ITGAL: variants seen among roughly 807,000 people sequenced by gnomAD.
ITGAL encodes the protein integrin subunit alpha L.
Under a neutral mutation model 138.4 loss-of-function variants are expected in ITGAL, and 68 were observed. The ratio of observed to expected loss-of-function variants is 0.49; its 90% CI spans 0.40 to 0.60. ITGAL has a LOEUF of 0.60. ITGAL is among the 20% of genes least tolerant of loss of function. The probability of loss-of-function intolerance (pLI) is 0.00; values close to 1 mark genes in which losing one functional copy is unlikely to be tolerated. For synonymous variants in ITGAL, 561 were observed against 584.3 expected, an observed-to-expected ratio of 0.96 and a Z score of 0.57; for missense variants, 1,256 against 1,478.6, an observed-to-expected ratio of 0.85 and a Z score of 2.47.
Position 30,499,222 on chromosome 16 carries a change from C to T in ITGAL, c.1981C>T (p.Pro661Ser), listed in dbSNP as rs2050848726. The T allele has an allele frequency of 6.2e-7, 1 of 1,614,120 alleles. No homozygotes were observed. Residue 661 changes from proline to serine, a missense_variant, in exon 16 of 31, where the codon CCC (proline) becomes TCC (serine). Physicochemically the swap from Pro to Ser is moderately conservative, Grantham distance 74. Transcript: ENST00000356798. ...TICFQIKSLI[P>S]QFQGRLVANL... ...CTGTTTCCAGATCAAGTCTCTCATC[C>T]CCCAGTTCCAAGGTCAGAGCTCTCC...
In ITGAL at chr16:30,476,199, C is replaced by G. The variant is rs1417327223; in HGVS notation, c.327+619C>G. 2.0e-5 allele frequency among the ~76,000 whole-genome samples: 3 copies of G among 151,168 alleles called. 1 individual carries two copies. The highest frequency in any genetic ancestry group is 7.3e-5 in the African/African-American group (3 of 41,110). ...CCGGGAGGCGGAGCTTGCAGTGAGC[C>G]GAGATCATGCCACTGCACTCCAGCC... is the stretch of plus-strand genomic sequence containing the variant. On this transcript the variant is annotated intron_variant, in intron 4 of 30. Coordinates refer to ENST00000356798, the MANE Select transcript of ITGAL (RefSeq NM_002209.3).
At chr16:30,486,724 T>G (rs1597073683) in intron 9 of ITGAL, among the ~76,000 whole-genome samples, 1 of 151,892 alleles carries the variant, frequency 6.6e-6, no homozygotes, top group Non-Finnish European at 1.5e-5. Flanking sequence ...GGCAGGGAGG[T>G]AAGGGTCTTC....
chr16:30,511,749 C>T lies in ITGAL; in HGVS notation c.2786+613C>T, dbSNP rs57486488. Reference sequence around the variant, plus strand: ...ACTCATGCACACACAGAGTCAGTGACTCTCAGAACACAGTAGCAGGAAGGA... The same window carrying T: ...ACTCATGCACACACAGAGTCAGTGATTCTCAGAACACAGTAGCAGGAAGGA... On this transcript the variant is annotated intron_variant, in intron 24 of 30. Transcript: ENST00000356798. Among the ~76,000 whole-genome samples the T allele has an allele frequency of 2.1e-3, 325 of 152,334 alleles. 3 individuals carry two copies. The highest frequency in any genetic ancestry group is 7.6e-3 in the African/African-American group (314 of 41,580).
At chr16:30,499,819 GC>G (rs1414368519) in intron 17 of ITGAL, among the ~76,000 whole-genome samples, 1 of 144,626 alleles carries the variant, frequency 6.9e-6, no homozygotes, top group Non-Finnish European at 1.5e-5. Flanking sequence ...CACGATCTCG[GC>G]TCATGGCCAC....
intron 20 of ITGAL, among the ~76,000 whole-genome samples, chr16:30,506,208 C>T (rs1390257624): frequency 1.4e-5 from 2 of 144,010 alleles, no homozygotes; most frequent in Non-Finnish European, 3.0e-5. Context: ...TGCAGTAAGC[C>T]GAGACTGTGC....
At position 30,474,206 on chromosome 16, in the gene ITGAL, G is replaced by A. The variant is rs1375578375; in HGVS notation, c.72G>A (p.Ser24=). The part of the protein sequence containing the change: ...LSGFFFFAPA[S]SYNLDVRGAR... ...CCTTGCCTTCCTCAGCGCCGGCCTCGAGCTACAACCTGGACGTGCGGGGCG... is the reference window on the plus strand; with the variant it reads ...CCTTGCCTTCCTCAGCGCCGGCCTCAAGCTACAACCTGGACGTGCGGGGCG... The change falls in exon 2 of 31, where the codon TCG becomes TCA. Residue 24 remains serine, a synonymous_variant. Transcript: ENST00000356798. 5 of 1,604,136 alleles carry A rather than the reference G, an allele frequency of 3.1e-6. No homozygotes were observed. Among genetic ancestry groups the A allele is most frequent in the Non-Finnish European group, 2.6e-6 (3 of 1,175,780 alleles).
chr16:30,499,497 A>G lies in ITGAL; in HGVS notation c.2145+8A>G, dbSNP rs373524491. 6 of 1,612,840 alleles carry G rather than the reference A, an allele frequency of 3.7e-6. No individual in the cohort carries two copies. The highest frequency in any genetic ancestry group is 5.1e-6 in the Non-Finnish European group (6 of 1,179,838). ...TTCTCATTTCATTTCCCGGTAAGGG[A>G]GCCAGCGCCAATGCTCTGGGATGAG... is the stretch of plus-strand genomic sequence containing the variant. On this transcript the variant is annotated splice_region_variant and intron_variant, in intron 17 of 30. Transcript: ENST00000356798.
At chr16:30,512,992 C>T (rs1463995724) in intron 24 of ITGAL, among the ~76,000 whole-genome samples, 3 of 152,230 alleles carry the variant, frequency 2.0e-5, no homozygotes, top group Non-Finnish European at 2.9e-5. Context: ...TAAGCCACCG[C>T]GCCTGGCCTC....
At chr16:30,479,259 T>C in intron 5 of ITGAL, 51 bp downstream of exon 5, 1 of 1,613,128 alleles carries the variant, frequency 6.2e-7, no homozygotes, top group East Asian at 2.2e-5. Flanking sequence ...TGGCTGTCCC[T>C]AGAGAGAACC....
At chr16:30,487,809 C>T (rs1327421656) in intron 9 of ITGAL, among the ~76,000 whole-genome samples, 1 of 151,892 alleles carries the variant, frequency 6.6e-6, no homozygotes, top group Non-Finnish European at 1.5e-5. Context: ...TTTGAGCCTC[C>T]CAGCCTCGAG....
At chr16:30,516,063 T>C (rs1022332617) in intron 25 of ITGAL, among the ~76,000 whole-genome samples, 1 of 152,172 alleles carries the variant, frequency 6.6e-6, no homozygotes, top group African/African-American at 2.4e-5. Flanking sequence ...GTATTTCAAG[T>C]GTCCACAAAT....
Position 30,521,507 on chromosome 16 carries a change from C to T in ITGAL, c.3355C>T (p.Arg1119Trp). The stretch of plus-strand genomic sequence containing the variant: ...CTTTGTACAGGTTGGTTTCTTCAAA[C>T]GGAACCTGAAGGAGAAGATGGAGGC... ...IVLYKVGFFKRNLKEKMEAGR... is the reference protein window; with the variant it reads ...IVLYKVGFFKWNLKEKMEAGR... Residue 1119 changes from arginine (R) to tryptophan (W), a missense_variant, in exon 31 of 31, where the codon CGG becomes TGG. Physicochemically the swap from Arg to Trp is moderately radical, Grantham distance 101. Coordinates refer to ENST00000356798, the MANE Select transcript of ITGAL (RefSeq NM_002209.3). 3.1e-6 allele frequency: 5 copies of T among 1,613,974 alleles called. No homozygotes were observed. Among genetic ancestry groups the T allele is most frequent in the Non-Finnish European group, 3.4e-6 (4 of 1,179,952 alleles).
Position 30,499,093 on chromosome 16 carries a change from A to G in ITGAL, c.1852A>G (p.Met618Val), listed in dbSNP as rs868438104. The change falls in exon 16 of 31, where the codon ATG becomes GTG. Residue 618 changes from methionine (M) to valine (V), a missense_variant. Coordinates refer to ENST00000356798, the MANE Select transcript of ITGAL (RefSeq NM_002209.3). The stretch of plus-strand genomic sequence containing the variant: ...CTGCAGCTCCCGGCCCGTGGTGGAT[A>G]TGGTCACCCTGATGTCCTTCTCTCC... ...IVLSSRPVVD[M>V]VTLMSFSPAE... is the part of the protein sequence containing the mutation. 1.2e-6 allele frequency: 2 copies of G among 1,614,032 alleles called. No individual in the cohort carries two copies. The highest frequency in any genetic ancestry group is 1.7e-5 in the Admixed American group (1 of 59,970).
At chr16:30,488,342 T>C (rs1029387955) in intron 9 of ITGAL, among the ~76,000 whole-genome samples, 1 of 152,002 alleles carries the variant, frequency 6.6e-6, no homozygotes, top group African/African-American at 2.4e-5. Flanking sequence ...GTGCCATTCA[T>C]TGAAGTGAGA....
At chr16:30,498,882 C>G (rs542353343) in intron 15 of ITGAL, 192 bp from the exon 16 acceptor site, 3 of 564,622 alleles carry the variant, frequency 5.3e-6, no homozygotes, top group Non-Finnish European at 9.3e-6. Context: ...GCCTGGGCAA[C>G]AGGGTGAGAC....
chr16:30,482,694 A>C (rs1451179828), intron 7 of ITGAL, among the ~76,000 whole-genome samples: 2 of 152,114 alleles, frequency 1.3e-5, no homozygotes, highest in African/African-American at 2.4e-5. Flanking sequence ...AGCATTTTGC[A>C]TCCAAGATAG....
rs747094192 is a variant in ITGAL at position 30,499,167 on chromosome 16, C to G, written c.1926C>G (p.Asn642Lys). Residue 642 changes from asparagine (N) to lysine (K), a missense_variant, in exon 16 of 31, where the codon AAC (asparagine) becomes AAG (lysine). Transcript: ENST00000356798. The part of the protein sequence containing the change: ...HEVECSYSTS[N>K]KMKEGVNITI... ...TGGAGTGCTCCTATTCAACCAGTAA[C>G]AAGATGAAAGAAGGAGTTAATATCA... is the stretch of plus-strand genomic sequence containing the variant. 6.2e-7 allele frequency: 1 copy of G among 1,614,056 alleles called. No individual in the cohort carries two copies.
chr16:30,510,868 C>A lies in ITGAL; in HGVS notation c.2620-13C>A. ...GACCCTTCCATTTCCATTGCCCTCT[C>A]CTTTCCTGCCAGGTTGCTCTGCAGA... On this transcript the variant is annotated splice_polypyrimidine_tract_variant and intron_variant, in intron 22 of 30. Transcript: ENST00000356798. 1 of 1,612,318 alleles carries A rather than the reference C, an allele frequency of 6.2e-7. No homozygotes were observed.
intron 9 of ITGAL, among the ~76,000 whole-genome samples, chr16:30,488,433 G>C (rs1007085137): frequency 6.6e-6 from 1 of 151,856 alleles, no homozygotes; most frequent in African/African-American, 2.4e-5. Flanking sequence ...CTGGAGGCTG[G>C]GCACAGTGGC....
Sources: allele counts gnomAD v4.1 joint callset (sites outside exome capture counted in the v4.1 genomes callset), GRCh38; gene constraint gnomAD v4.1.1; transcripts MANE v1.5; gene names NCBI Gene and HGNC (gene_info 2026-07-23, HGNC 2026-07-21).